The following SPSB1 variants were observed in gnomAD, a reference collection of about 807,000 sequenced individuals.
SPSB1 encodes splA/ryanodine receptor domain and SOCS box containing 1, also known as SPRY domain-containing SOCS box protein 1.
SPSB1 carries 8 observed loss-of-function variants against 21.2 expected under a neutral mutation model. That is an observed-to-expected ratio of 0.38 (90% CI 0.22 to 0.68). SPSB1 has a LOEUF of 0.68. SPSB1 is among the 30% of genes least tolerant of loss of function. The pLI is 0.53. For synonymous variants in SPSB1, 169 were observed against 161.7 expected, an observed-to-expected ratio of 1.05 and a Z score of -0.34; for missense variants, 242 against 377.8, an observed-to-expected ratio of 0.64 and a Z score of 2.98.
chr1:9,297,008 T>C (rs1639235902), intron 1 of SPSB1, among the ~76,000 whole-genome samples: 1 of 152,208 alleles, frequency 6.6e-6, no homozygotes. Flanking sequence ...GGGCCTTTCT[T>C]GGAGATGGGG....
intron 2 of SPSB1, among the ~76,000 whole-genome samples, chr1:9,362,462 G>A (rs965332651): frequency 5.3e-5 from 8 of 152,368 alleles, no homozygotes; most frequent in South Asian, 4.1e-4. Flanking sequence ...CACCCGACCC[G>A]TGACATTCTA....
At chr1:9,306,802 G>A (rs894443906) in intron 1 of SPSB1, among the ~76,000 whole-genome samples, 2 of 152,182 alleles carry the variant, frequency 1.3e-5, no homozygotes, top group East Asian at 1.9e-4. Context: ...CTAGGTAATG[G>A]GGATTGGTGT....
At chr1:9,337,949 C>T (rs1169321224) in intron 1 of SPSB1, among the ~76,000 whole-genome samples, 1 of 152,170 alleles carries the variant, frequency 6.6e-6, no homozygotes, top group Non-Finnish European at 1.5e-5. Context: ...GAGGAAGGGA[C>T]GTGGGTCTGC....
At chr1:9,311,099 GA>G (rs1482901519) in intron 1 of SPSB1, among the ~76,000 whole-genome samples, 5 of 151,228 alleles carry the variant, frequency 3.3e-5, no homozygotes, top group South Asian at 2.1e-4. Context: ...CAGGCTCCCT[GA>G]AAGCCAAGTC....
intron 1 of SPSB1, among the ~76,000 whole-genome samples, chr1:9,340,327 C>A (rs1329451779): frequency 6.6e-6 from 1 of 152,160 alleles, no homozygotes; most frequent in Non-Finnish European, 1.5e-5. Flanking sequence ...TGGCCGGAGC[C>A]CCGCGGTCTG....
intron 1 of SPSB1, among the ~76,000 whole-genome samples, chr1:9,318,378 T>C (rs957544629): frequency 4.6e-5 from 7 of 152,244 alleles, no homozygotes; most frequent in African/African-American, 1.4e-4. Context: ...GCACAGCATT[T>C]CCAGGCTGCC....
chr1:9,308,915 C>A (rs1204215458), intron 1 of SPSB1, among the ~76,000 whole-genome samples: 1 of 152,132 alleles, frequency 6.6e-6, no homozygotes, highest in African/African-American at 2.4e-5. Context: ...CACCTCCAGG[C>A]CCCTGAGAGC....
intron 2 of SPSB1, among the ~76,000 whole-genome samples, chr1:9,361,490 G>A (rs1269035667): frequency 2.0e-5 from 3 of 152,162 alleles, no homozygotes; most frequent in East Asian, 1.9e-4. Flanking sequence ...GTGCCTTCCC[G>A]GGGGTCTCCC....
At chr1:9,339,180 C>T (rs1640051281) in intron 1 of SPSB1, 1 of 978,630 alleles carries the variant, frequency 1.0e-6, no homozygotes, top group Non-Finnish European at 1.2e-6. Flanking sequence ...TGTCATTCTC[C>T]CCCCAGCGGT....
intron 1 of SPSB1, among the ~76,000 whole-genome samples, chr1:9,325,222 A>ACC (rs1200612130): frequency 1.4e-3 from 33 of 23,416 alleles, no homozygotes; most frequent in East Asian, 3.6e-3. Flanking sequence ...GCCTCCCACC[A>ACC]CCACCCCCCC....
intron 1 of SPSB1, among the ~76,000 whole-genome samples, chr1:9,294,269 T>TGA (rs1639172742): frequency 6.6e-6 from 1 of 151,008 alleles, no homozygotes. Flanking sequence ...CACGTGTCTC[T>TGA]GTGTCTGTCT....
At chr1:9,357,946 G>A (rs1640401570) in intron 2 of SPSB1, among the ~76,000 whole-genome samples, 2 of 152,192 alleles carry the variant, frequency 1.3e-5, no homozygotes, top group South Asian at 2.1e-4. Context: ...CCCATGGGTT[G>A]ACTGTCCTTA....
Position 9,317,072 on chromosome 1 carries a change from C to T in SPSB1, c.-150+24001C>T, listed in dbSNP as rs933660494. Among the ~76,000 whole-genome samples the T allele has an allele frequency of 1.3e-5, 2 of 152,080 alleles. No homozygotes were observed. Among genetic ancestry groups the T allele is most frequent in the East Asian group, 1.9e-4 (1 of 5,188 alleles). On this transcript the variant is annotated intron_variant, in intron 1 of 2. Coordinates refer to ENST00000328089, the MANE Select transcript of SPSB1 (RefSeq NM_025106.4). This position sits in a 1 kb window ranked among gnomAD's most constrained non-coding sequence, Gnocchi z 4.3. ...AACCTGGCCTGTGAGGGTTTGCTTC[C>T]GGTGCTCTCGCGAAGGAAAGAGAGA...
chr1:9,366,634 C>T (rs1399182894), intron 2 of SPSB1, among the ~76,000 whole-genome samples: 2 of 148,622 alleles, frequency 1.3e-5, no homozygotes, highest in Non-Finnish European at 3.0e-5. Flanking sequence ...AGTGCAGTGG[C>T]GTGATCTCAG....
chr1:9,320,256 C>T (rs72642747), intron 1 of SPSB1, among the ~76,000 whole-genome samples: 3,292 of 152,318 alleles, frequency 0.022, 45 homozygotes, highest in South Asian at 0.034. Context: ...GGTTGCAGCT[C>T]GACCAAGACA....
intron 1 of SPSB1, chr1:9,351,283 C>T (rs2100510784): frequency 6.6e-6 from 1 of 152,276 alleles, no homozygotes; most frequent in East Asian, 1.9e-4. Flanking sequence ...CTAGCCCAGA[C>T]TTCCAAGTCC....
intron 1 of SPSB1, among the ~76,000 whole-genome samples, chr1:9,333,712 C>T (rs1557456439): frequency 3.9e-5 from 6 of 152,102 alleles, no homozygotes; most frequent in Admixed American, 2.0e-4. Flanking sequence ...CCAGAGCGGC[C>T]CGGGGAAGAG....
chr1:9,360,303 A>G (rs1200521686), intron 2 of SPSB1, among the ~76,000 whole-genome samples: 1 of 152,196 alleles, frequency 6.6e-6, no homozygotes, highest in Non-Finnish European at 1.5e-5. Context: ...GGTCAAGTAC[A>G]TGGACGGCTG....
At chr1:9,359,847 C>CGGGGGG (rs1553128808) in intron 2 of SPSB1, among the ~76,000 whole-genome samples, 1 of 105,758 alleles carries the variant, frequency 9.5e-6, no homozygotes, top group Non-Finnish European at 1.9e-5. Context: ...GGATGGAAGC[C>CGGGGGG]GGGGGGGTGG....
Sources: allele counts gnomAD v4.1 joint callset (sites outside exome capture counted in the v4.1 genomes callset), GRCh38; gene constraint gnomAD v4.1.1; non-coding constraint Gnocchi (gnomAD v3.1); transcripts MANE v1.5; gene names NCBI Gene and HGNC (gene_info 2026-07-23, HGNC 2026-07-21).